The following PDCD10 variants were observed in gnomAD, a reference collection of about 807,000 sequenced individuals.
PDCD10 encodes programmed cell death 10, also known as programmed cell death protein 10.
Under a neutral mutation model 29.2 loss-of-function variants are expected in PDCD10, and 4 were observed. That is an observed-to-expected ratio of 0.14 (90% CI 0.07 to 0.31). PDCD10 has a LOEUF of 0.31. Ranked by LOEUF, PDCD10 falls within the 10% of genes least tolerant of loss-of-function variation. PDCD10 has a pLI of 1.00. For synonymous variants in PDCD10, 70 were observed against 82.2 expected (o/e 0.85, Z 0.80); for missense variants, 183 against 257.9 (o/e 0.71, Z 1.99).
In PDCD10 at chr3:167,683,342, T is replaced by C. The variant is rs775113953; in HGVS notation, c.*966A>G. 6.6e-5 allele frequency: 10 copies of C among 152,006 alleles called. No homozygotes were observed. The highest frequency in any genetic ancestry group is 1.3e-4 in the Non-Finnish European group (9 of 67,918). The allele number at this position is 152,006 out of a possible 1,614,324, so 9.4% of individuals were successfully genotyped here. On this transcript the variant is annotated 3_prime_UTR_variant, in exon 9 of 9. Transcript: ENST00000392750. The stretch of plus-strand genomic sequence containing the variant: ...TTTTATAATTGAAAAATGAAACCAC[T>C]TAACATGAACACTTGATACATAATT...
At position 167,684,328 on chromosome 3, in the gene PDCD10, T is replaced by A; in HGVS notation, c.619A>T (p.Thr207Ser). 2 of 1,597,458 alleles carry A rather than the reference T, an allele frequency of 1.3e-6. No homozygotes were observed. Among genetic ancestry groups the A allele is most frequent in the Non-Finnish European group, 1.7e-6 (2 of 1,165,116 alleles). ...AACTTTCAGGCCACAGTTTTGAAGG[T>A]CTGAAGTATTAAGTTGGTTTGATGA... ...LIHQTNLILQTFKTVA is the reference protein window; with the variant it reads ...LIHQTNLILQSFKTVA Residue 207 changes from threonine (T) to serine (S), a missense_variant, in exon 9 of 9, where the codon ACC becomes TCC. By Grantham distance (58) the Thr-to-Ser change is moderately conservative. Transcript: ENST00000392750.
chr3:167,719,501 C>T (rs932251383), intron 3 of PDCD10, among the ~76,000 whole-genome samples: 1 of 152,074 alleles, frequency 6.6e-6, no homozygotes, highest in Non-Finnish European at 1.5e-5. Flanking sequence ...AAGTCTAAGA[C>T]AATTCTTCAA....
At chr3:167,698,714 C>A (rs1048282071) in intron 4 of PDCD10, among the ~76,000 whole-genome samples, 1 of 151,428 alleles carries the variant, frequency 6.6e-6, no homozygotes, top group African/African-American at 2.4e-5. Flanking sequence ...AATCTTCCTA[C>A]ATAATGAATT....
intron 6 of PDCD10, among the ~76,000 whole-genome samples, chr3:167,690,961 C>CT (rs1224623216): frequency 2.0e-5 from 3 of 152,120 alleles, no homozygotes; most frequent in Non-Finnish European, 4.4e-5. Context: ...TGTCAGGATT[C>CT]TTTTTTACTT....
chr3:167,726,141 G>GTGA (rs1724146317), intron 2 of PDCD10, among the ~76,000 whole-genome samples: 1 of 92,082 alleles, frequency 1.1e-5, no homozygotes, highest in Non-Finnish European at 2.0e-5. Context: ...TTTTTTTTGA[G>GTGA]ACAGAGTTTC....
rs1362685886 is a variant in PDCD10, at chr3:167,734,715, C to G, written c.-307G>C. 6.5e-6 allele frequency: 1 copy of G among 154,934 alleles called. No individual in the cohort carries two copies. Among genetic ancestry groups the G allele is most frequent in the East Asian group, 1.9e-4 (1 of 5,258 alleles). The allele number at this position is 154,934 out of a possible 1,614,324, so 9.6% of individuals were successfully genotyped here. A position where few individuals can be genotyped will look rare whatever the true frequency, so the allele number is the denominator to read the frequency against. On this transcript the variant is annotated 5_prime_UTR_variant, in exon 1 of 9. Transcript: ENST00000392750. ...CCGCTCCGCCTGCCAGAACCAAGCCCAAGTGCCTCAGCCATGGCCCCTGCG... is the reference window on the plus strand; with the variant it reads ...CCGCTCCGCCTGCCAGAACCAAGCCGAAGTGCCTCAGCCATGGCCCCTGCG...
At position 167,683,436 on chromosome 3, in the gene PDCD10, A is replaced by G. The variant is rs1232104703; in HGVS notation, c.*872T>C. ...AAGAGTGTATATAATATTAACACTC[A>G]TGACAATTTCAATCCAACCGTTGAT... is the stretch of plus-strand genomic sequence containing the variant. On this transcript the variant is annotated 3_prime_UTR_variant, in exon 9 of 9. Transcript: ENST00000392750. The G allele has an allele frequency of 6.6e-6, 1 of 152,058 alleles. No homozygotes were observed. Among genetic ancestry groups the G allele is most frequent in the African/African-American group, 2.4e-5 (1 of 41,444 alleles). 9.4% of individuals were successfully genotyped at this position (152,058 alleles called of 1,614,324 possible). A position where few individuals can be genotyped will look rare whatever the true frequency, so the allele number is the denominator to read the frequency against.
intron 3 of PDCD10, among the ~76,000 whole-genome samples, chr3:167,716,517 T>C (rs996379515): frequency 1.3e-5 from 2 of 151,940 alleles, no homozygotes; most frequent in African/African-American, 4.8e-5. Flanking sequence ...GTATCTCACG[T>C]ACTCCATAAA....
At chr3:167,695,307 C>T (rs1720687029) in intron 6 of PDCD10, among the ~76,000 whole-genome samples, 1 of 152,130 alleles carries the variant, frequency 6.6e-6, no homozygotes, top group African/African-American at 2.4e-5. Context: ...AGGATATATC[C>T]AGTTTCTCTA....
chr3:167,724,903 A>AATTAACTG (rs1723937322), intron 2 of PDCD10, among the ~76,000 whole-genome samples: 4 of 152,206 alleles, frequency 2.6e-5, no homozygotes, highest in Non-Finnish European at 4.4e-5. Context: ...AGAGTTGGTT[A>AATTAACTG]ACCCAGGATT....
chr3:167,684,140 G>A lies in PDCD10; in HGVS notation c.*168C>T, dbSNP rs943251933. 58 of 565,790 alleles carry A rather than the reference G, an allele frequency of 1.0e-4. 1 individual carries two copies. Among genetic ancestry groups the A allele is most frequent in the East Asian group, 8.6e-4 (28 of 32,530 alleles). The allele number at this position is 565,790 out of a possible 1,614,324, so 35.0% of individuals were successfully genotyped here. A position where few individuals can be genotyped will look rare whatever the true frequency, so the allele number is the denominator to read the frequency against. On this transcript the variant is annotated 3_prime_UTR_variant, in exon 9 of 9. Coordinates refer to ENST00000392750, the MANE Select transcript of PDCD10 (RefSeq NM_007217.4). ...ATCTTCAGTGTGAGATTATGATTAA[G>A]CTACATTTTACAAAAATATGGTGTA...
At chr3:167,731,079 GAA>G (rs1432566667) in intron 2 of PDCD10, 1 of 152,054 alleles carries the variant, frequency 6.6e-6, no homozygotes, top group East Asian at 1.9e-4. Flanking sequence ...CAACGTTCTG[GAA>G]ACTCTAGCAA....
intron 6 of PDCD10, among the ~76,000 whole-genome samples, chr3:167,693,743 G>A (rs1720503105): frequency 6.6e-6 from 1 of 151,346 alleles, no homozygotes; most frequent in South Asian, 2.1e-4. Flanking sequence ...AGAGGTTAGA[G>A]ACCAGCTTGG....
intron 3 of PDCD10, among the ~76,000 whole-genome samples, chr3:167,716,730 A>ATATTAATT (rs1723059218): frequency 6.6e-6 from 1 of 152,046 alleles, no homozygotes; most frequent in Non-Finnish European, 1.5e-5. Flanking sequence ...GAATGGAAAC[A>ATATTAATT]TATTAATTAC....
At chr3:167,727,257 T>G (rs1053948301) in intron 2 of PDCD10, among the ~76,000 whole-genome samples, 2 of 152,200 alleles carry the variant, frequency 1.3e-5, no homozygotes, top group African/African-American at 4.8e-5. Context: ...AATTAGCTGA[T>G]GGGAAATGGA....
intron 4 of PDCD10, among the ~76,000 whole-genome samples, chr3:167,698,564 G>T (rs1179826466): frequency 6.6e-6 from 1 of 151,896 alleles, no homozygotes; most frequent in Non-Finnish European, 1.5e-5. Flanking sequence ...AAAAAACTGT[G>T]TTTTTTAAAA....
At chr3:167,733,451 G>A (rs1725025125) in intron 2 of PDCD10, among the ~76,000 whole-genome samples, 1 of 152,100 alleles carries the variant, frequency 6.6e-6, no homozygotes, top group African/African-American at 2.4e-5. Flanking sequence ...TCAATGTAAA[G>A]TAAGAATGAA....
At chr3:167,700,618 T>G (rs764595244) in intron 4 of PDCD10, among the ~76,000 whole-genome samples, 7 of 152,186 alleles carry the variant, frequency 4.6e-5, no homozygotes, top group Non-Finnish European at 7.3e-5. Context: ...GTGCAGGATA[T>G]CTATAAGAAA....
intron 3 of PDCD10, among the ~76,000 whole-genome samples, chr3:167,717,954 T>G (rs545211773): frequency 2.4e-4 from 37 of 152,254 alleles, no homozygotes; most frequent in African/African-American, 8.7e-4. Flanking sequence ...AGATGTGCAA[T>G]GTAAATTTCC....
Sources: allele counts gnomAD v4.1 joint callset (sites outside exome capture counted in the v4.1 genomes callset), GRCh38; gene constraint gnomAD v4.1.1; transcripts MANE v1.5; gene names NCBI Gene and HGNC (gene_info 2026-07-23, HGNC 2026-07-21).